Variants in SYT6 observed in about 807,000 individuals in gnomAD.
The protein encoded by SYT6 is synaptotagmin-6.
A neutral mutation model predicts 38.4 loss-of-function variants in SYT6; 24 were observed. The ratio of observed to expected loss-of-function variants is 0.62; its 90% CI spans 0.45 to 0.88. The LOEUF is 0.88. SYT6 is among the 40% of genes least tolerant of loss of function. The pLI is 0.00. For synonymous variants in SYT6, 265 were observed against 241.9 expected, an observed-to-expected ratio of 1.10 and a Z score of -0.89; for missense variants, 611 against 621.0, an observed-to-expected ratio of 0.98 and a Z score of 0.17.
chr1:114,117,229 G>A (rs1344315279), intron 3 of SYT6, among the ~76,000 whole-genome samples: 1 of 152,246 alleles, frequency 6.6e-6, no homozygotes, highest in East Asian at 1.9e-4. Context: ...TACCTGTGAA[G>A]CAGGTGCCTT....
intron 7 of SYT6, among the ~76,000 whole-genome samples, 197 bp from the exon 8 acceptor site, chr1:114,092,279 G>A (rs1244118193): frequency 6.7e-6 from 1 of 150,300 alleles, no homozygotes; most frequent in African/African-American, 2.5e-5. Context: ...TTTTCAAAAA[G>A]ACCTACTGCA....
At chr1:114,146,039 A>G (rs1200440441) in intron 1 of SYT6, among the ~76,000 whole-genome samples, 4 of 152,152 alleles carry the variant, frequency 2.6e-5, no homozygotes, top group African/African-American at 7.2e-5. Context: ...CCAGCACTCA[A>G]TACTGGTTAT....
chr1:114,138,378 C>T (rs1371328251), intron 2 of SYT6, among the ~76,000 whole-genome samples: 1 of 152,204 alleles, frequency 6.6e-6, no homozygotes, highest in Non-Finnish European at 1.5e-5. Flanking sequence ...AGACATGACT[C>T]TGGTTTCCTT....
In SYT6 at chr1:114,139,657, G is replaced by C; in HGVS notation, c.470C>G (p.Thr157Ser). The change falls in exon 2 of 8, where the codon ACC (threonine) becomes AGC (serine). Residue 157 changes from threonine (T) to serine (S), a missense_variant. Physicochemically the swap from Thr to Ser is moderately conservative, Grantham distance 58 (BLOSUM62 1). Transcript: ENST00000610222. ...MSVKEHIMRH[T>S]RLQRQTTEPA... Reference sequence around the variant, plus strand: ...CTCTGTAGTTTGCCGCTGCAGCCGGGTGTGACGCATGATGTGCTCCTTGAC... The same window carrying C: ...CTCTGTAGTTTGCCGCTGCAGCCGGCTGTGACGCATGATGTGCTCCTTGAC... The C allele has an allele frequency of 6.2e-7, 1 of 1,614,168 alleles. No individual in the cohort carries two copies. Among genetic ancestry groups the C allele is most frequent in the Non-Finnish European group, 8.5e-7 (1 of 1,180,044 alleles).
intron 6 of SYT6, among the ~76,000 whole-genome samples, chr1:114,096,674 C>T (rs562832456): frequency 2.4e-4 from 37 of 152,312 alleles, no homozygotes; most frequent in African/African-American, 7.7e-4. Flanking sequence ...GACTTCTCTG[C>T]ATCATAGAGT....
intron 3 of SYT6, among the ~76,000 whole-genome samples, chr1:114,117,173 T>A (rs1214120874): frequency 6.6e-6 from 1 of 152,234 alleles, no homozygotes; most frequent in Non-Finnish European, 1.5e-5. Context: ...ACTGAAGGTC[T>A]CTGACCCTTT....
intron 2 of SYT6, 149 bp downstream of exon 2, chr1:114,139,466 A>G: frequency 1.5e-6 from 2 of 1,333,808 alleles, no homozygotes; most frequent in Non-Finnish European, 2.0e-6. Flanking sequence ...TTGATCACCC[A>G]TCATGGCTCA....
At chr1:114,104,910 G>T (rs889608239) in intron 3 of SYT6, among the ~76,000 whole-genome samples, 1 of 152,092 alleles carries the variant, frequency 6.6e-6, no homozygotes, top group Non-Finnish European at 1.5e-5. Context: ...TGATGCTGAG[G>T]TTTGGGGTAC....
chr1:114,105,460 C>CT (rs967653913), intron 3 of SYT6, among the ~76,000 whole-genome samples: 44 of 150,462 alleles, frequency 2.9e-4, no homozygotes, highest in Admixed American at 1.2e-3. Context: ...AAGTCACCCC[C>CT]CAAATCAAAT....
intron 1 of SYT6, among the ~76,000 whole-genome samples, chr1:114,148,210 C>G (rs1196128847): frequency 4.6e-5 from 7 of 152,172 alleles, no homozygotes. Flanking sequence ...AGCCCTAGTG[C>G]CCCCTCCCCT....
At chr1:114,148,421 G>C (rs113036222) in intron 1 of SYT6, among the ~76,000 whole-genome samples, 92 of 152,378 alleles carry the variant, frequency 6.0e-4, no homozygotes, top group African/African-American at 2.0e-3. Flanking sequence ...CCCAAAGCCA[G>C]AGAAGGCTGG....
intron 6 of SYT6, among the ~76,000 whole-genome samples, chr1:114,095,100 G>T (rs1303759416): frequency 2.0e-5 from 3 of 152,236 alleles, no homozygotes; most frequent in African/African-American, 7.2e-5. Context: ...CAGCTGAGCA[G>T]AAAATGGCAG....
Position 114,139,085 on chromosome 1 carries a change from G to T in SYT6, c.512+530C>A, listed in dbSNP as rs367667076. Among the ~76,000 whole-genome samples, 8 of 152,236 alleles carry T rather than the reference G, an allele frequency of 5.3e-5. No individual in the cohort carries two copies. In the South Asian group the frequency reaches 8.3e-4, roughly 16 times the overall value. ...AGGTTTTTGTCGTTATGTTTTTCTT[G>T]TTGCTATTTTCAGTTAAAGGATGCT... On this transcript the variant is annotated intron_variant, in intron 2 of 7. Transcript: ENST00000610222.
At position 114,090,703 on chromosome 1, in the gene SYT6, T is replaced by C. The variant is rs1287725165; in HGVS notation, c.*1431A>G. 1.3e-5 allele frequency: 2 copies of C among 152,358 alleles called. No homozygotes were observed. Among genetic ancestry groups the C allele is most frequent in the African/African-American group, 4.8e-5 (2 of 41,462 alleles). 9.4% of individuals were successfully genotyped at this position (152,358 alleles called of 1,614,324 possible). ...GGCACTGTGTCGCCACAAGTCGAAG[T>C]AGAAACTCACCTCCATGCGCTTACT... On this transcript the variant is annotated 3_prime_UTR_variant, in exon 8 of 8. Transcript: ENST00000610222.
chr1:114,105,213 C>T (rs566504593), intron 3 of SYT6, among the ~76,000 whole-genome samples: 10 of 152,260 alleles, frequency 6.6e-5, no homozygotes, highest in African/African-American at 2.4e-4. Context: ...GAGATAATGA[C>T]TTCTGGGAGA....
At chr1:114,111,794 G>A (rs1020277767) in intron 3 of SYT6, among the ~76,000 whole-genome samples, 6 of 66,786 alleles carry the variant, frequency 9.0e-5, no homozygotes, top group Non-Finnish European at 1.9e-4. Context: ...GGAGACTGAC[G>A]CTCTGCCCGC....
chr1:114,117,434 C>T (rs1368459000), intron 3 of SYT6, among the ~76,000 whole-genome samples: 5 of 152,204 alleles, frequency 3.3e-5, no homozygotes, highest in Non-Finnish European at 5.9e-5. Context: ...GGCTGAGGGG[C>T]CAGGTGTGCC....
At chr1:114,145,515 T>G (rs644594) in intron 1 of SYT6, among the ~76,000 whole-genome samples, 32,880 of 141,198 alleles carry the variant, frequency 0.23, 4,343 homozygotes, top group African/African-American at 0.38. Flanking sequence ...TTTTTTTTTT[T>G]TTTTTTTTTT....
rs1334136314 is a variant in SYT6 at position 114,093,818 on chromosome 1, T to C, written c.1516-15A>G. On this transcript the variant is annotated splice_polypyrimidine_tract_variant and intron_variant, in intron 6 of 7. Coordinates refer to ENST00000610222, the MANE Select transcript of SYT6 (RefSeq NM_001253772.2). ...CGAGGGTTTCCCTGGTGAAATATTT[T>C]AGATAAATAAATGCCTGGTTGTTGA... is the stretch of plus-strand genomic sequence containing the variant. 3.1e-6 allele frequency: 5 copies of C among 1,613,778 alleles called. No individual in the cohort carries two copies. The highest frequency in any genetic ancestry group is 4.2e-6 in the Non-Finnish European group (5 of 1,179,816).
Sources: allele counts gnomAD v4.1 joint callset (sites outside exome capture counted in the v4.1 genomes callset), GRCh38; gene constraint gnomAD v4.1.1; transcripts MANE v1.5; gene names NCBI Gene and HGNC (gene_info 2026-07-23, HGNC 2026-07-21).